Variants in SRPK2 observed in about 807,000 individuals in gnomAD.
The protein encoded by SRPK2 is SFRS protein kinase 2.
A neutral mutation model predicts 90.8 loss-of-function variants in SRPK2; 21 were observed. The ratio of observed to expected loss-of-function variants is 0.23; its 90% CI spans 0.16 to 0.33. The LOEUF is 0.33. Among genes scored for constraint, SRPK2 ranks in the 10% least tolerant of loss-of-function variants. The probability of loss-of-function intolerance (pLI) is 1.00; values close to 1 mark genes in which losing one functional copy is unlikely to be tolerated. For synonymous variants in SRPK2, 288 were observed against 311.1 expected (o/e 0.93, Z 0.78); for missense variants, 620 against 869.0 (o/e 0.71, Z 3.60).
intron 2 of SRPK2, among the ~76,000 whole-genome samples, chr7:105,340,570 C>T (rs768284070): frequency 2.6e-5 from 4 of 151,864 alleles, no homozygotes; most frequent in Non-Finnish European, 5.9e-5. Context: ...CACCACCACG[C>T]CCAGCTAAGT....
chr7:105,126,704 T>C (rs1801264323), intron 14 of SRPK2, among the ~76,000 whole-genome samples: 1 of 152,152 alleles, frequency 6.6e-6, no homozygotes, highest in Non-Finnish European at 1.5e-5. Context: ...AGGCTTCAGG[T>C]CTGTATCATC....
chr7:105,253,049 A>G (rs1802701853), intron 2 of SRPK2, among the ~76,000 whole-genome samples: 1 of 152,146 alleles, frequency 6.6e-6, no homozygotes, highest in South Asian at 2.1e-4. Flanking sequence ...GACCCAAGTT[A>G]GTATCTTTAA....
At position 105,349,228 on chromosome 7, in the gene SRPK2, A is replaced by G. The variant is rs758281666; in HGVS notation, c.71+39420T>C. ...AATCAGAGCTTGTCAAGAACCTACG[A>G]AAGAATTAAGGGGGCCAAGCATGGT... is the stretch of plus-strand genomic sequence containing the variant. On this transcript the variant is annotated intron_variant, in intron 2 of 15. Transcript: ENST00000393651. Among the ~76,000 whole-genome samples the G allele has an allele frequency of 7.3e-5, 11 of 150,360 alleles. No homozygotes were observed. In the East Asian group the frequency reaches 1.2e-3, roughly 16 times the overall value.
At chr7:105,372,941 T>C (rs921373143) in intron 2 of SRPK2, among the ~76,000 whole-genome samples, 1 of 151,970 alleles carries the variant, frequency 6.6e-6, no homozygotes, top group Non-Finnish European at 1.5e-5. Context: ...ATACAAAAAT[T>C]AGCTGGGCAT....
At chr7:105,277,886 T>A (rs1163479207) in intron 2 of SRPK2, among the ~76,000 whole-genome samples, 4 of 152,142 alleles carry the variant, frequency 2.6e-5, no homozygotes, top group African/African-American at 4.8e-5. Flanking sequence ...AGTGACAAAG[T>A]TGACAGAAAA....
intron 2 of SRPK2, chr7:105,244,802 GC>G: frequency 1.0e-6 from 1 of 965,938 alleles, no homozygotes; most frequent in Non-Finnish European, 1.7e-6. Context: ...ATGTGGCTTC[GC>G]CCCGTACAAG....
At chr7:105,257,159 G>A (rs1803436926) in intron 2 of SRPK2, among the ~76,000 whole-genome samples, 2 of 152,134 alleles carry the variant, frequency 1.3e-5, no homozygotes, top group Admixed American at 6.5e-5. Context: ...AAATCACTAA[G>A]TGGCTAGTGC....
intron 2 of SRPK2, among the ~76,000 whole-genome samples, chr7:105,256,382 G>A (rs1232810416): frequency 6.6e-6 from 1 of 152,146 alleles, no homozygotes; most frequent in Non-Finnish European, 1.5e-5. Context: ...TAGAGACAGA[G>A]TCTCACTCTG....
intron 13 of SRPK2, among the ~76,000 whole-genome samples, chr7:105,128,154 C>T (rs141130881): frequency 3.2e-4 from 49 of 152,300 alleles, no homozygotes; most frequent in African/African-American, 1.2e-3. Context: ...CCCAGGACCA[C>T]ATCTTTTCAC....
rs1413573567 is a variant in SRPK2, at chr7:105,160,700, C to A, written c.515-87G>T. 5.7e-6 allele frequency: 4 copies of A among 703,038 alleles called. No individual in the cohort carries two copies. In the Admixed American group the frequency reaches 6.7e-5, roughly 12 times the overall value. The allele number at this position is 703,038 out of a possible 1,614,324, so 43.5% of individuals were successfully genotyped here. A position where few individuals can be genotyped will look rare whatever the true frequency, so the allele number is the denominator to read the frequency against. ...CAGCACCATTGTGTCACTTGCAAAGCACTTATTACTTTATAAAATACAACA... is the reference window on the plus strand; with the variant it reads ...CAGCACCATTGTGTCACTTGCAAAGAACTTATTACTTTATAAAATACAACA... On this transcript the variant is annotated intron_variant, in intron 6 of 15. Coordinates refer to ENST00000393651, the MANE Select transcript of SRPK2 (RefSeq NM_182692.3).
At chr7:105,324,585 G>A (rs985354865) in intron 2 of SRPK2, among the ~76,000 whole-genome samples, 2 of 152,180 alleles carry the variant, frequency 1.3e-5, no homozygotes, top group Admixed American at 1.3e-4. Flanking sequence ...GTTTTAGTGA[G>A]AGTGTCCATC....
chr7:105,286,649 ACAGC>A (rs1808144796), intron 2 of SRPK2, among the ~76,000 whole-genome samples: 1 of 152,248 alleles, frequency 6.6e-6, no homozygotes, highest in Non-Finnish European at 1.5e-5. Flanking sequence ...ATTCTGATGC[ACAGC>A]CAGTATTGAG....
chr7:105,369,340 G>A (rs1483051100), intron 2 of SRPK2, among the ~76,000 whole-genome samples: 1 of 151,850 alleles, frequency 6.6e-6, no homozygotes, highest in Non-Finnish European at 1.5e-5. Context: ...TACAGACAGG[G>A]CTTCATCACG....
At chr7:105,261,022 T>A (rs372468633) in intron 2 of SRPK2, among the ~76,000 whole-genome samples, 154 of 115,966 alleles carry the variant, frequency 1.3e-3, no homozygotes, top group Non-Finnish European at 1.6e-3. Context: ...CCCTAGAAAT[T>A]AAAAAAAAAA....
intron 14 of SRPK2, 82 bp downstream of exon 14, chr7:105,126,911 A>G: frequency 7.4e-7 from 1 of 1,357,916 alleles, no homozygotes; most frequent in Middle Eastern, 1.8e-4. Flanking sequence ...GCTCTATTTC[A>G]GTACAAAAAT....
Position 105,170,949 on chromosome 7 carries a change from AAGAAAGAAAGAAAGAAAGAGAAAGAAAG to A in SRPK2, c.230-1712_230-1685del, listed in dbSNP as rs1480235682. 7.9e-3 allele frequency among the ~76,000 whole-genome samples: 323 copies of A among 41,010 alleles called. 18 individuals are homozygous for A. The highest frequency in any genetic ancestry group is 0.023 in the African/African-American group (303 of 12,998). 26.9% of individuals were successfully genotyped at this position (41,010 alleles called of 152,430 possible). On this transcript the variant is annotated intron_variant, in intron 3 of 15. Coordinates refer to ENST00000393651, the MANE Select transcript of SRPK2 (RefSeq NM_182692.3). ...AAAAGAAAAAGGAAAGAAAGAAAGA[AAGAAAGAAAGAAAGAAAGAGAAAGAAAG>A]AGAAAGAAAGAAAGAAAGAGAAAGA...
At chr7:105,176,557 A>ATATG (rs142490071) in intron 3 of SRPK2, among the ~76,000 whole-genome samples, 2 of 148,030 alleles carry the variant, frequency 1.4e-5, no homozygotes, top group African/African-American at 5.0e-5. Flanking sequence ...TTTTGCATAT[A>ATATG]TGTGTGTGTG....
intron 2 of SRPK2, among the ~76,000 whole-genome samples, chr7:105,377,504 C>T (rs1374222688): frequency 6.6e-6 from 1 of 151,810 alleles, no homozygotes; most frequent in African/African-American, 2.4e-5. Context: ...ACCAGCCTGG[C>T]CAACATGGTG....
intron 2 of SRPK2, among the ~76,000 whole-genome samples, chr7:105,377,171 CTG>C (rs970722140): frequency 6.6e-6 from 1 of 152,090 alleles, no homozygotes; most frequent in African/African-American, 2.4e-5. Flanking sequence ...CCCTTGGTTT[CTG>C]TAAGACAACT....
Sources: gnomAD v4.1 joint callset for allele counts (sites outside exome capture counted in the v4.1 genomes callset) on GRCh38, gnomAD v4.1.1 for gene constraint, MANE v1.5 for transcripts, NCBI Gene and HGNC (gene_info 2026-07-23, HGNC 2026-07-21) for gene names.